The following TTLL12 variants were observed in gnomAD, a reference collection of about 807,000 sequenced individuals.
TTLL12 encodes tubulin--tyrosine ligase-like protein 12.
In TTLL12, 77 loss-of-function variants were observed where a neutral mutation model predicts 79.6. The ratio of observed to expected loss-of-function variants is 0.97; its 90% CI spans 0.81 to 1.17. The LOEUF (loss-of-function observed/expected upper bound fraction) is 1.17, where lower values mean the gene tolerates loss of function less well. TTLL12 is among the 50% of genes most tolerant of loss of function. TTLL12 has a pLI of 0.00. For synonymous variants in TTLL12, 437 were observed against 376.1 expected, an observed-to-expected ratio of 1.16 and a Z score of -1.87; for missense variants, 969 against 895.9, an observed-to-expected ratio of 1.08 and a Z score of -1.04.
Position 43,176,305 on chromosome 22 carries a change from G to GA in TTLL12, c.917+14_917+15insT. 1.3e-6 allele frequency: 2 copies of GA among 1,572,682 alleles called. No individual in the cohort carries two copies. The highest frequency in any genetic ancestry group is 1.7e-6 in the Non-Finnish European group (2 of 1,155,148). Reference sequence around the variant, plus strand: ...GGACAAGTCCCAGCCCAAGCAGTGGGGGGGGGCTACGCACTTGAAGATGTG... The same window carrying GA: ...GGACAAGTCCCAGCCCAAGCAGTGGGAGGGGGGCTACGCACTTGAAGATGTG... On this transcript the variant is annotated intron_variant, in intron 6 of 13. Coordinates refer to ENST00000216129, the MANE Select transcript of TTLL12 (RefSeq NM_015140.4).
intron 11 of TTLL12, chr22:43,169,790 C>T: frequency 1.6e-6 from 1 of 631,826 alleles, no homozygotes; most frequent in Non-Finnish European, 2.9e-6. Flanking sequence ...CTTCTCTGAG[C>T]CTGTTTCCTC....
intron 9 of TTLL12, among the ~76,000 whole-genome samples, chr22:43,173,487 T>A (rs1215671885): frequency 6.6e-6 from 1 of 152,092 alleles, no homozygotes; most frequent in South Asian, 2.1e-4. Flanking sequence ...ATTTTTAAAG[T>A]TTTTTCCCTT....
intron 6 of TTLL12, among the ~76,000 whole-genome samples, chr22:43,175,863 T>C (rs1601771112): frequency 6.8e-6 from 1 of 147,736 alleles, no homozygotes; most frequent in Non-Finnish European, 1.5e-5. Flanking sequence ...TTTTTTTGTA[T>C]TTTTAGTAGA....
At chr22:43,171,582 T>G (rs1931765929) in intron 11 of TTLL12, 1 of 484,024 alleles carries the variant, frequency 2.1e-6, no homozygotes, top group South Asian at 2.7e-5. Context: ...GTGTCCACAT[T>G]ATCTCAAACA....
chr22:43,176,375 C>T lies in TTLL12; in HGVS notation c.862G>A (p.Glu288Lys). ...HYQAILEENK[E>K]KLPLDINPVV... ...GGGTTGATGTCAAGTGGCAGCTTCTCCTTGTTTTCCTCCAGAATGGCCTAA... is the reference window on the plus strand; with the variant it reads ...GGGTTGATGTCAAGTGGCAGCTTCTTCTTGTTTTCCTCCAGAATGGCCTAA... The change falls in exon 6 of 14, where the codon GAG becomes AAG. Residue 288 changes from glutamate (E) to lysine (K), a missense_variant. Coordinates refer to ENST00000216129, the MANE Select transcript of TTLL12 (RefSeq NM_015140.4). The T allele has an allele frequency of 3.7e-6, 6 of 1,605,624 alleles. No individual in the cohort carries two copies. The highest frequency in any genetic ancestry group is 5.1e-6 in the Non-Finnish European group (6 of 1,177,158).
intron 2 of TTLL12, among the ~76,000 whole-genome samples, chr22:43,181,662 C>T (rs1198346258): frequency 6.6e-6 from 1 of 152,240 alleles, no homozygotes; most frequent in East Asian, 1.9e-4. Flanking sequence ...GCACCAAACA[C>T]ACAGGTGCCT....
At chr22:43,183,823 A>T (rs1932118051) in intron 1 of TTLL12, among the ~76,000 whole-genome samples, 1 of 152,248 alleles carries the variant, frequency 6.6e-6, no homozygotes, top group South Asian at 2.1e-4. Context: ...GTCTGCCACA[A>T]GCCGGCAAGG....
At chr22:43,182,444 T>A (rs895989460) in intron 2 of TTLL12, among the ~76,000 whole-genome samples, 1 of 152,178 alleles carries the variant, frequency 6.6e-6, no homozygotes, top group African/African-American at 2.4e-5. Context: ...CACAAAACCT[T>A]TGGCAGATGG....
intron 9 of TTLL12, 24 bp downstream of exon 9, chr22:43,173,691 G>A (rs1931822923): frequency 6.3e-7 from 1 of 1,594,734 alleles, no homozygotes; most frequent in African/African-American, 1.3e-5. Flanking sequence ...CTGAGCCCTG[G>A]GGCTCCTGGT....
At chr22:43,182,709 T>C (rs1932087945) in intron 2 of TTLL12, among the ~76,000 whole-genome samples, 1 of 152,078 alleles carries the variant, frequency 6.6e-6, no homozygotes, top group South Asian at 2.1e-4. Context: ...AACTGGAACT[T>C]CTAATCCCCT....
At position 43,173,728 on chromosome 22, in the gene TTLL12, T is replaced by C; in HGVS notation, c.1328A>G (p.Glu443Gly). The change falls in exon 9 of 14, where the codon GAG becomes GGG. Residue 443 changes from glutamate (E) to glycine (G), a missense_variant. By Grantham distance (98) the Glu-to-Gly change is moderately conservative. Coordinates refer to ENST00000216129, the MANE Select transcript of TTLL12 (RefSeq NM_015140.4). The part of the protein sequence containing the change: ...KSLHSIIRHR[E>G]STPKVVSKYI... ...TGCGGGGCCCACCTTGGGGGTGCTCTCTCGGTGCCGGATGATGCTGTGCAG... is the reference window on the plus strand; with the variant it reads ...TGCGGGGCCCACCTTGGGGGTGCTCCCTCGGTGCCGGATGATGCTGTGCAG... The C allele has an allele frequency of 6.2e-7, 1 of 1,602,264 alleles. No individual in the cohort carries two copies.
At chr22:43,182,794 C>T (rs992770641) in intron 2 of TTLL12, among the ~76,000 whole-genome samples, 186 bp downstream of exon 2, 2 of 152,358 alleles carry the variant, frequency 1.3e-5, no homozygotes, top group East Asian at 1.9e-4. Flanking sequence ...ACCCCAGGAA[C>T]GCTGTGTTGC....
At chr22:43,178,758 A>G (rs1387665325) in intron 5 of TTLL12, among the ~76,000 whole-genome samples, 1 of 152,220 alleles carries the variant, frequency 6.6e-6, no homozygotes, top group African/African-American at 2.4e-5. Flanking sequence ...GCTGGACTCC[A>G]GCTCTTCCCC....
chr22:43,172,269 C>T, intron 10 of TTLL12, 134 bp downstream of exon 10: 3 of 1,116,882 alleles, frequency 2.7e-6, no homozygotes, highest in Non-Finnish European at 3.8e-6. Flanking sequence ...GCTCCAAGGG[C>T]CGCTAGCTGG....
intron 1 of TTLL12, chr22:43,186,143 G>A (rs953868830): frequency 1.1e-5 from 3 of 282,806 alleles, no homozygotes; most frequent in African/African-American, 4.6e-5. Context: ...ATCTCCGTCC[G>A]GGAGACAGCA....
In TTLL12 at chr22:43,168,082, T is replaced by A. The variant is rs745624185; in HGVS notation, c.1861A>T (p.Thr621Ser). ...DCERACRYHP[T>S]FFNDVFSTLF... is the part of the protein sequence containing the mutation. ...GTGCTGAAGACGTCGTTGAAGAAGG[T>A]GGGGTGGTACCTGCAGGCTCGCTCA... is the stretch of plus-strand genomic sequence containing the variant. Residue 621 changes from threonine to serine, a missense_variant, in exon 14 of 14, where the codon ACC becomes TCC. By Grantham distance (58) the Thr-to-Ser change is moderately conservative. Transcript: ENST00000216129. 1 of 1,614,018 alleles carries A rather than the reference T, an allele frequency of 6.2e-7. No individual in the cohort carries two copies. The highest frequency in any genetic ancestry group is 8.5e-7 in the Non-Finnish European group (1 of 1,179,962).
At chr22:43,173,886 C>T (rs1036559171) in intron 8 of TTLL12, 60 bp from the exon 9 acceptor site, 10 of 1,486,092 alleles carry the variant, frequency 6.7e-6, no homozygotes, top group African/African-American at 1.4e-5. Flanking sequence ...GATGGTGCCA[C>T]CCCAGGACCC....
intron 6 of TTLL12, among the ~76,000 whole-genome samples, chr22:43,175,089 C>G (rs1056828825): frequency 2.0e-5 from 3 of 152,226 alleles, no homozygotes; most frequent in Non-Finnish European, 4.4e-5. Flanking sequence ...CTGGGCTGCC[C>G]AGCTGGGGCA....
At chr22:43,186,089 C>T (rs1031179140) in intron 1 of TTLL12, 9 of 889,428 alleles carry the variant, frequency 1.0e-5, no homozygotes, top group African/African-American at 7.2e-5. Flanking sequence ...GGTCCCTGTT[C>T]TTGGCTCTGG....
Sources: allele counts gnomAD v4.1 joint callset (sites outside exome capture counted in the v4.1 genomes callset), GRCh38; gene constraint gnomAD v4.1.1; transcripts MANE v1.5; gene names NCBI Gene and HGNC (gene_info 2026-07-23, HGNC 2026-07-21).